KPNA1: variants seen among roughly 807,000 people sequenced by gnomAD.
KPNA1 encodes the protein karyopherin subunit alpha 1.
A neutral mutation model predicts 70.5 loss-of-function variants in KPNA1; 10 were observed. The observed-to-expected ratio is 0.14, with a 90% CI of 0.09 to 0.24. The LOEUF (loss-of-function observed/expected upper bound fraction) is 0.24, where lower values mean the gene tolerates loss of function less well. KPNA1 is among the 10% of genes least tolerant of loss of function. The probability of loss-of-function intolerance (pLI) is 1.00; values close to 1 mark genes in which losing one functional copy is unlikely to be tolerated. For missense variants in KPNA1, 397 were observed against 637.9 expected, an observed-to-expected ratio of 0.62 and a Z score of 4.07; for synonymous variants, 192 against 221.9, an observed-to-expected ratio of 0.87 and a Z score of 1.20.
intron 9 of KPNA1, among the ~76,000 whole-genome samples, chr3:122,445,398 G>A (rs2107731109): frequency 6.6e-6 from 1 of 152,304 alleles, no homozygotes; most frequent in East Asian, 1.9e-4. Flanking sequence ...TTTCAACCAA[G>A]AATGTCATAT....
intron 2 of KPNA1, among the ~76,000 whole-genome samples, chr3:122,468,456 T>C (rs901690140): frequency 1.3e-5 from 2 of 152,202 alleles, no homozygotes; most frequent in African/African-American, 4.8e-5. Context: ...ACTTCTCAAC[T>C]CATTCTAGGA....
At chr3:122,449,916 T>G (rs780703426) in intron 8 of KPNA1, among the ~76,000 whole-genome samples, 179 bp from the exon 9 acceptor site, 1 of 152,198 alleles carries the variant, frequency 6.6e-6, no homozygotes, top group Admixed American at 6.5e-5. Flanking sequence ...GTCAGTGATC[T>G]TGCACTAATC....
intron 3 of KPNA1, among the ~76,000 whole-genome samples, chr3:122,467,079 A>G (rs1304470470): frequency 6.7e-6 from 1 of 149,750 alleles, no homozygotes; most frequent in African/African-American, 2.4e-5. Flanking sequence ...TTCAACTTTT[A>G]AAGAGTAATT....
At chr3:122,474,844 A>C (rs1189163689) in intron 2 of KPNA1, among the ~76,000 whole-genome samples, 1 of 152,156 alleles carries the variant, frequency 6.6e-6, no homozygotes, top group Non-Finnish European at 1.5e-5. Flanking sequence ...TTAGGTATAG[A>C]AAGAATTTAC....
chr3:122,464,108 CAG>C, intron 3 of KPNA1, 67 bp from the exon 4 acceptor site: 1 of 813,894 alleles, frequency 1.2e-6, no homozygotes, highest in Admixed American at 2.6e-5. Context: ...AGAAAGATAA[CAG>C]ATATCATGGC....
intron 2 of KPNA1, among the ~76,000 whole-genome samples, chr3:122,477,525 C>CCAT: frequency 6.6e-6 from 1 of 152,076 alleles, no homozygotes; most frequent in Non-Finnish European, 1.5e-5. Flanking sequence ...CACAGCAAGA[C>CCAT]CCTGCCTCTA....
At chr3:122,454,093 TTC>T (rs1285823400) in intron 5 of KPNA1, 92 bp from the exon 6 acceptor site, 1 of 849,360 alleles carries the variant, frequency 1.2e-6, no homozygotes, top group African/African-American at 1.7e-5. Flanking sequence ...GAAAAAAAGA[TTC>T]TGAGATCATT....
Position 122,424,461 on chromosome 3 carries a change from T to A in KPNA1, c.*2524A>T, listed in dbSNP as rs1243559824. 2 of 152,214 alleles carry A rather than the reference T, an allele frequency of 1.3e-5. No individual in the cohort carries two copies. Among genetic ancestry groups the A allele is most frequent in the African/African-American group, 2.4e-5 (1 of 41,420 alleles). 9.4% of individuals were successfully genotyped at this position (152,214 alleles called of 1,614,324 possible). ...TTAGCCAATTCCAACTTTGATACTT[T>A]AAGAAAAAATCATTTTATTGTTAAA... On this transcript the variant is annotated 3_prime_UTR_variant, in exon 14 of 14. Coordinates refer to ENST00000344337, the MANE Select transcript of KPNA1 (RefSeq NM_002264.4).
intron 2 of KPNA1, among the ~76,000 whole-genome samples, chr3:122,484,990 T>C (rs1576331709): frequency 6.6e-6 from 1 of 152,316 alleles, no homozygotes; most frequent in East Asian, 1.9e-4. Context: ...CTCGAATTTC[T>C]GGGCTCAAGC....
chr3:122,480,648 AT>A (rs1392905345), intron 2 of KPNA1, among the ~76,000 whole-genome samples: 2 of 151,596 alleles, frequency 1.3e-5, no homozygotes, highest in Admixed American at 6.6e-5. Context: ...ATGTGGTACA[AT>A]TTTTTTTAAA....
intron 1 of KPNA1, among the ~76,000 whole-genome samples, chr3:122,508,502 G>A (rs2107510959): frequency 6.6e-6 from 1 of 152,254 alleles, no homozygotes; most frequent in Middle Eastern, 3.4e-3. Flanking sequence ...CTTCAAATGG[G>A]TGCTCCAATG....
At chr3:122,429,446 C>CAAAAAAAAAAA (rs57991855) in intron 12 of KPNA1, among the ~76,000 whole-genome samples, 2 of 58,776 alleles carry the variant, frequency 3.4e-5, no homozygotes, top group Non-Finnish European at 6.1e-5. Context: ...AACTCTGTCT[C>CAAAAAAAAAAA]AAAAAAAAAA....
chr3:122,446,435 C>T (rs903728608), intron 9 of KPNA1, among the ~76,000 whole-genome samples: 11 of 152,184 alleles, frequency 7.2e-5, no homozygotes, highest in Non-Finnish European at 1.0e-4. Flanking sequence ...GGGTAAATAA[C>T]GAAATGAAGG....
chr3:122,499,762 GAAAA>G (rs56295442), intron 1 of KPNA1, among the ~76,000 whole-genome samples: 3 of 116,950 alleles, frequency 2.6e-5, no homozygotes. Context: ...GTCTCTTCAA[GAAAA>G]AAAAAAAAAA....
intron 9 of KPNA1, among the ~76,000 whole-genome samples, chr3:122,446,355 A>C (rs1173637836): frequency 6.6e-6 from 1 of 152,260 alleles, no homozygotes; most frequent in Admixed American, 6.5e-5. Flanking sequence ...ATTAGAACTC[A>C]GGATTAAGAA....
chr3:122,487,788 T>C (rs537400462), intron 2 of KPNA1, among the ~76,000 whole-genome samples: 11 of 152,334 alleles, frequency 7.2e-5, no homozygotes, highest in African/African-American at 2.4e-4. Context: ...TAATGTGGCA[T>C]AGAATTTCAA....
intron 10 of KPNA1, among the ~76,000 whole-genome samples, chr3:122,441,335 T>C (rs2076059408): frequency 1.3e-5 from 2 of 152,008 alleles, no homozygotes; most frequent in African/African-American, 4.8e-5. Flanking sequence ...CATTAGAAAG[T>C]AGGAGGGAAG....
intron 12 of KPNA1, 56 bp from the exon 13 acceptor site, chr3:122,427,772 A>G: frequency 8.1e-7 from 1 of 1,240,982 alleles, no homozygotes; most frequent in South Asian, 1.9e-5. Context: ...TAAACTTATG[A>G]AATTAGTGAG....
chr3:122,478,684 C>T (rs1359182013), intron 2 of KPNA1, among the ~76,000 whole-genome samples: 8 of 148,846 alleles, frequency 5.4e-5, no homozygotes, highest in East Asian at 3.9e-4. Flanking sequence ...GCCAAGATCG[C>T]GCCACTGCAC....
Sources: gnomAD v4.1 joint callset for allele counts (sites outside exome capture counted in the v4.1 genomes callset) on GRCh38, gnomAD v4.1.1 for gene constraint, MANE v1.5 for transcripts, NCBI Gene and HGNC (gene_info 2026-07-23, HGNC 2026-07-21) for gene names.